PLCB1: variants seen among roughly 807,000 people sequenced by gnomAD.
PLCB1 encodes 1-phosphatidylinositol 4,5-bisphosphate phosphodiesterase beta-1.
Under a neutral mutation model 161.8 loss-of-function variants are expected in PLCB1, and 46 were observed. That is an observed-to-expected ratio of 0.28 (90% CI 0.22 to 0.36). The LOEUF is 0.36. Ranked by LOEUF, PLCB1 falls within the 10% of genes least tolerant of loss-of-function variation. PLCB1 has a pLI of 1.00. For synonymous variants in PLCB1, 517 were observed against 503.7 expected, an observed-to-expected ratio of 1.03 and a Z score of -0.35; for missense variants, 1,016 against 1,472.5, an observed-to-expected ratio of 0.69 and a Z score of 5.07.
intron 31 of PLCB1, among the ~76,000 whole-genome samples, chr20:8,852,722 C>T (rs1298716885): frequency 6.6e-6 from 1 of 152,204 alleles, no homozygotes; most frequent in African/African-American, 2.4e-5. Flanking sequence ...ATAGTTTGCT[C>T]TCCAATTTTC....
chr20:8,275,953 G>C (rs570443371), intron 2 of PLCB1, among the ~76,000 whole-genome samples: 253 of 151,218 alleles, frequency 1.7e-3, no homozygotes, highest in Admixed American at 3.9e-3. Flanking sequence ...AGATAAGACA[G>C]AACATTCACA....
chr20:8,575,826 T>C (rs770487281), intron 3 of PLCB1, among the ~76,000 whole-genome samples: 7 of 152,256 alleles, frequency 4.6e-5, no homozygotes, highest in Non-Finnish European at 8.8e-5. Context: ...TTGTGGTCTA[T>C]GCTACTTCTT....
intron 3 of PLCB1, among the ~76,000 whole-genome samples, chr20:8,491,091 A>G (rs182392067): frequency 6.6e-6 from 1 of 151,718 alleles, no homozygotes; most frequent in Non-Finnish European, 1.5e-5. Context: ...TTGTTCTTTT[A>G]TGGATTTTGG....
intron 12 of PLCB1, among the ~76,000 whole-genome samples, chr20:8,710,502 CTTTTTTTTTTTTT>C (rs1177302486): frequency 7.0e-5 from 5 of 71,468 alleles, no homozygotes; most frequent in Admixed American, 1.8e-4. Flanking sequence ...CTTGAGGATG[CTTTTTTTTTTTTT>C]TTTTTTTTTT....
intron 3 of PLCB1, among the ~76,000 whole-genome samples, chr20:8,508,515 A>G (rs111691905): frequency 4.6e-5 from 7 of 152,276 alleles, no homozygotes; most frequent in Non-Finnish European, 8.8e-5. Flanking sequence ...TGTACGTACT[A>G]TCCTTGCTTA....
chr20:8,403,792 A>G (rs1600377926), intron 3 of PLCB1, among the ~76,000 whole-genome samples: 1 of 152,284 alleles, frequency 6.6e-6, no homozygotes, highest in Admixed American at 6.5e-5. Flanking sequence ...TCATTTTTAA[A>G]GCTTAATTTT....
At chr20:8,692,669 T>A (rs1990504140) in intron 10 of PLCB1, among the ~76,000 whole-genome samples, 1 of 152,144 alleles carries the variant, frequency 6.6e-6, no homozygotes, top group Non-Finnish European at 1.5e-5. Context: ...TTCATTAATA[T>A]CATGGAAGAC....
chr20:8,463,105 T>C (rs1185051259), intron 3 of PLCB1, among the ~76,000 whole-genome samples: 1 of 151,574 alleles, frequency 6.6e-6, no homozygotes, highest in African/African-American at 2.4e-5. Flanking sequence ...AAAGTAGAGT[T>C]TCTACAGATG....
At chr20:8,717,163 C>G (rs777044622) in intron 13 of PLCB1, among the ~76,000 whole-genome samples, 4 of 152,208 alleles carry the variant, frequency 2.6e-5, no homozygotes, top group Non-Finnish European at 5.9e-5. Flanking sequence ...TCATCCACTT[C>G]TGTTGATGCC....
intron 3 of PLCB1, among the ~76,000 whole-genome samples, chr20:8,542,820 T>C (rs1346952568): frequency 6.6e-6 from 1 of 152,232 alleles, no homozygotes; most frequent in Non-Finnish European, 1.5e-5. Context: ...GTTAATTGAA[T>C]TGCCTCTGTT....
At chr20:8,514,090 T>C (rs568147382) in intron 3 of PLCB1, among the ~76,000 whole-genome samples, 1 of 149,878 alleles carries the variant, frequency 6.7e-6, no homozygotes, top group Admixed American at 6.7e-5. Flanking sequence ...AAAGATGTAA[T>C]TACACACTTA....
Position 8,684,824 on chromosome 20 carries a change from C to T in PLCB1, c.863-108C>T, listed in dbSNP as rs532643226. On this transcript the variant is annotated intron_variant, in intron 9 of 31. Transcript: ENST00000338037. ...CTCTTATTTATCCATACTAAAATGT[C>T]TTCTACCTTGGACACTACAAGATAT... 10 of 723,486 alleles carry T rather than the reference C, an allele frequency of 1.4e-5. No homozygotes were observed. In the East Asian group the frequency reaches 2.3e-4, roughly 16 times the overall value. The allele number at this position is 723,486 out of a possible 1,614,324, so 44.8% of individuals were successfully genotyped here. A position where few individuals can be genotyped will look rare whatever the true frequency, so the allele number is the denominator to read the frequency against.
chr20:8,790,029 T>A, intron 30 of PLCB1, 146 bp from the exon 31 acceptor site: 1 of 612,726 alleles, frequency 1.6e-6, no homozygotes. Context: ...CTTACTACAG[T>A]TTCCTATACT....
chr20:8,799,246 C>G (rs1003434952), intron 31 of PLCB1, among the ~76,000 whole-genome samples: 1 of 152,134 alleles, frequency 6.6e-6, no homozygotes, highest in Non-Finnish European at 1.5e-5. Context: ...AGAGAATCTT[C>G]CCCACCTGCT....
At chr20:8,830,763 G>A (rs1244180733) in intron 31 of PLCB1, among the ~76,000 whole-genome samples, 1 of 152,020 alleles carries the variant, frequency 6.6e-6, no homozygotes, top group Non-Finnish European at 1.5e-5. Context: ...CTGAAGGCTG[G>A]CATCAGTATG....
intron 2 of PLCB1, among the ~76,000 whole-genome samples, chr20:8,250,546 TA>T (rs140134500): frequency 7.3e-5 from 11 of 151,218 alleles, no homozygotes; most frequent in East Asian, 5.8e-4. Flanking sequence ...CCTTTCCTTT[TA>T]AAAAAAAATC....
intron 18 of PLCB1, 78 bp downstream of exon 18, chr20:8,729,252 G>T: frequency 7.7e-7 from 1 of 1,304,816 alleles, no homozygotes; most frequent in Non-Finnish European, 1.0e-6. Context: ...ATAATTGGGG[G>T]AGAGAAAATT....
At chr20:8,293,512 A>G (rs539817482) in intron 2 of PLCB1, among the ~76,000 whole-genome samples, 2 of 152,162 alleles carry the variant, frequency 1.3e-5, no homozygotes, top group East Asian at 1.9e-4. Flanking sequence ...ACATTCTTGA[A>G]GTGTGTTTTT....
At chr20:8,609,383 T>TTCAGA (rs1312507873) in intron 3 of PLCB1, among the ~76,000 whole-genome samples, 11 of 152,178 alleles carry the variant, frequency 7.2e-5, no homozygotes, top group Non-Finnish European at 1.3e-4. Context: ...CTCCAGCACT[T>TTCAGA]GGATGAGGCA....
Sources: gnomAD v4.1 joint callset for allele counts (sites outside exome capture counted in the v4.1 genomes callset) on GRCh38, gnomAD v4.1.1 for gene constraint, MANE v1.5 for transcripts, NCBI Gene and HGNC (gene_info 2026-07-23, HGNC 2026-07-21) for gene names.